The following GABRG2 variants were observed in gnomAD, a reference collection of about 807,000 sequenced individuals.
GABRG2 encodes the protein gamma-aminobutyric acid type A receptor subunit gamma2, also known as gamma-aminobutyric acid receptor subunit gamma-2.
GABRG2 carries 16 observed loss-of-function variants against 56.4 expected under a neutral mutation model. That is an observed-to-expected ratio of 0.28 (90% CI 0.19 to 0.43). The LOEUF (loss-of-function observed/expected upper bound fraction) is 0.43, where lower values mean the gene tolerates loss of function less well. GABRG2 is among the 20% of genes least tolerant of loss of function. The probability of loss-of-function intolerance (pLI) is 1.00; values close to 1 mark genes in which losing one functional copy is unlikely to be tolerated. For missense variants in GABRG2, 327 were observed against 582.7 expected (o/e 0.56, Z 4.52); for synonymous variants, 208 against 205.5 (o/e 1.01, Z -0.10).
rs1394959019 is a variant in GABRG2, at chr5:162,154,031, C to T, written c.*663C>T. 6.6e-6 allele frequency: 1 copy of T among 152,602 alleles called. No homozygotes were observed. Among genetic ancestry groups the T allele is most frequent in the Non-Finnish European group, 1.5e-5 (1 of 68,216 alleles). 9.5% of individuals were successfully genotyped at this position (152,602 alleles called of 1,614,324 possible). ...TTGTGTCCTTGGGCTATAAAAGATT[C>T]CTGAATGTAATTATAAGGATTTGGG... On this transcript the variant is annotated 3_prime_UTR_variant, in exon 10 of 10. Coordinates refer to ENST00000639213, the MANE Select transcript of GABRG2 (RefSeq NM_198904.4).
chr5:162,148,538 A>G (rs1765125588), intron 7 of GABRG2, among the ~76,000 whole-genome samples: 1 of 152,210 alleles, frequency 6.6e-6, no homozygotes, highest in Non-Finnish European at 1.5e-5. Flanking sequence ...ATAAAATGTA[A>G]ACTGTCTGCA....
At chr5:162,102,474 C>A in intron 5 of GABRG2, 1 of 453,806 alleles carries the variant, frequency 2.2e-6, no homozygotes, top group Non-Finnish European at 4.4e-6. Flanking sequence ...CAGAATAATT[C>A]AGTCACCAGC....
At chr5:162,150,203 C>T (rs536971356) in intron 8 of GABRG2, 58 of 152,308 alleles carry the variant, frequency 3.8e-4, no homozygotes, top group African/African-American at 1.3e-3. Flanking sequence ...TTTAAAAACA[C>T]TTGTCTTATG....
chr5:162,080,993 A>G (rs945699445), intron 1 of GABRG2, among the ~76,000 whole-genome samples: 1 of 152,170 alleles, frequency 6.6e-6, no homozygotes, highest in African/African-American at 2.4e-5. Flanking sequence ...ATTCCAACTT[A>G]ATTATTATGA....
intron 6 of GABRG2, among the ~76,000 whole-genome samples, chr5:162,118,325 A>T (rs1253211957): frequency 5.9e-5 from 9 of 151,952 alleles, no homozygotes; most frequent in Admixed American, 5.3e-4. Context: ...TATTGTTTGC[A>T]GTTAATGGCA....
chr5:162,144,745 C>A (rs1382284929), intron 7 of GABRG2, among the ~76,000 whole-genome samples: 1 of 152,150 alleles, frequency 6.6e-6, no homozygotes, highest in Non-Finnish European at 1.5e-5. Context: ...GGGTAGGAGG[C>A]CTTGGTGAAG....
chr5:162,067,922 G>A lies in GABRG2; in HGVS notation c.-78G>A. The A allele has an allele frequency of 1.0e-6, 1 of 998,676 alleles. No homozygotes were observed. Among genetic ancestry groups the A allele is most frequent in the Non-Finnish European group, 1.6e-6 (1 of 632,256 alleles). The allele number at this position is 998,676 out of a possible 1,614,324, so 61.9% of individuals were successfully genotyped here. A position where few individuals can be genotyped will look rare whatever the true frequency, so the allele number is the denominator to read the frequency against. ...GGGGGGAGCCACCATCAGATCATAA[G>A]CATAAGAATAATACAAAGGGGAGGG... is the stretch of plus-strand genomic sequence containing the variant. On this transcript the variant is annotated 5_prime_UTR_variant, in exon 1 of 10. Coordinates refer to ENST00000639213, the MANE Select transcript of GABRG2 (RefSeq NM_198904.4).
chr5:162,073,550 A>G (rs548497058), intron 1 of GABRG2, among the ~76,000 whole-genome samples: 1 of 152,092 alleles, frequency 6.6e-6, no homozygotes, highest in South Asian at 2.1e-4. Flanking sequence ...TGAAGCAACG[A>G]TACTCAATAT....
At position 162,151,749 on chromosome 5, in the gene GABRG2, T is replaced by G; in HGVS notation, c.1148T>G (p.Phe383Cys). The G allele has an allele frequency of 6.2e-7, 1 of 1,611,666 alleles. No individual in the cohort carries two copies. Among genetic ancestry groups the G allele is most frequent in the South Asian group, 1.1e-5 (1 of 90,734 alleles). The change falls in exon 9 of 10, where the codon TTC becomes TGC. Residue 383 changes from phenylalanine to cysteine, a missense_variant. By Grantham distance (205) the Phe-to-Cys change is radical. Around this residue, in one of 4 missense-constraint regions of GABRG2, gnomAD observed 108 missense variants for 144.2 expected, o/e 0.75. Coordinates refer to ENST00000639213, the MANE Select transcript of GABRG2 (RefSeq NM_198904.4). ...CCAAAGCTTCTTCGGATGTTTTCCT[T>G]CAAGGTATAATGTTTTTGGAATGGA... ...KKNPLLRMFS[F>C]KAPTIDIRPR...
chr5:162,104,873 C>A (rs1761686516), intron 6 of GABRG2, among the ~76,000 whole-genome samples: 2 of 152,042 alleles, frequency 1.3e-5, no homozygotes, highest in Non-Finnish European at 2.9e-5. Flanking sequence ...GTTTCCAGAC[C>A]AGATATGTTT....
At chr5:162,088,240 C>G (rs981217892) in intron 1 of GABRG2, among the ~76,000 whole-genome samples, 2 of 152,094 alleles carry the variant, frequency 1.3e-5, no homozygotes, top group Admixed American at 1.3e-4. Flanking sequence ...AGTGGAGTCC[C>G]CCTTCCCATG....
intron 5 of GABRG2, chr5:162,103,033 TTTTA>T (rs2113365361): frequency 6.5e-6 from 1 of 153,480 alleles, no homozygotes; most frequent in African/African-American, 2.4e-5. Flanking sequence ...GATTTCTGAT[TTTTA>T]TTTATTTTCT....
At chr5:162,088,979 T>A (rs1420396561) in intron 1 of GABRG2, among the ~76,000 whole-genome samples, 1 of 152,148 alleles carries the variant, frequency 6.6e-6, no homozygotes, top group Non-Finnish European at 1.5e-5. Flanking sequence ...AATTTATAGT[T>A]TAGTAATGAA....
At chr5:162,137,129 T>G (rs1764193147) in intron 6 of GABRG2, among the ~76,000 whole-genome samples, 2 of 152,034 alleles carry the variant, frequency 1.3e-5, no homozygotes, top group Admixed American at 6.6e-5. Context: ...TCCACAAAAA[T>G]GTTCTGGATC....
At chr5:162,097,937 AG>A (rs1437811135) in intron 4 of GABRG2, 79 bp downstream of exon 4, 17 of 1,249,344 alleles carry the variant, frequency 1.4e-5, no homozygotes, top group Admixed American at 3.8e-5. Flanking sequence ...AGTCTCTAAA[AG>A]AAAAAAAAAA....
chr5:162,108,391 TA>T (rs1761989391), intron 6 of GABRG2, among the ~76,000 whole-genome samples: 1 of 152,200 alleles, frequency 6.6e-6, no homozygotes, highest in Non-Finnish European at 1.5e-5. Flanking sequence ...AGAACCGAAC[TA>T]TTAATATGTT....
chr5:162,114,758 C>G (rs1367988586), intron 6 of GABRG2, among the ~76,000 whole-genome samples: 1 of 152,122 alleles, frequency 6.6e-6, no homozygotes, highest in Non-Finnish European at 1.5e-5. Context: ...CTAACATAAG[C>G]AATGTTAAGT....
At position 162,101,580 on chromosome 5, in the gene GABRG2, CT is replaced by C. The variant is rs34875047; in HGVS notation, c.631+275del. ...TTTTAATATATTGGTTGCATAGAGC[CT>C]TTTTTTTTTTTGTAAGGGATTGTAA... On this transcript the variant is annotated intron_variant, in intron 5 of 9. Transcript: ENST00000639213. The C allele has an allele frequency of 0.22, 78,238 of 350,448 alleles. 1,157 individuals carry two copies. The highest frequency in any genetic ancestry group is 0.29 in the South Asian group (9,256 of 32,472). 21.7% of individuals were successfully genotyped at this position (350,448 alleles called of 1,614,324 possible). A position where few individuals can be genotyped will look rare whatever the true frequency, so the allele number is the denominator to read the frequency against.
intron 1 of GABRG2, among the ~76,000 whole-genome samples, chr5:162,093,380 G>T (rs1036210590): frequency 6.6e-6 from 1 of 152,074 alleles, no homozygotes; most frequent in African/African-American, 2.4e-5. Flanking sequence ...GTTTGTGGGA[G>T]GGAATCTAAT....
Sources: gnomAD v4.1 joint callset for allele counts (sites outside exome capture counted in the v4.1 genomes callset) on GRCh38, gnomAD v4.1.1 for gene constraint, gnomAD v4.1.1 regional missense constraint, MANE v1.5 for transcripts, NCBI Gene and HGNC (gene_info 2026-07-23, HGNC 2026-07-21) for gene names.